Variants in ZNF423 observed in about 807,000 individuals in gnomAD.
The protein encoded by ZNF423 is zinc finger protein 423, also known as Ebf-associated zinc finger protein.
In ZNF423, 12 loss-of-function variants were observed where a neutral mutation model predicts 95.8. The ratio of observed to expected loss-of-function variants is 0.13; its 90% CI spans 0.08 to 0.20. ZNF423 has a LOEUF of 0.20. Ranked by LOEUF, ZNF423 falls within the 10% of genes least tolerant of loss-of-function variation. The probability of loss-of-function intolerance (pLI) is 1.00; values close to 1 mark genes in which losing one functional copy is unlikely to be tolerated. For synonymous variants in ZNF423, 749 were observed against 711.9 expected, an observed-to-expected ratio of 1.05 and a Z score of -0.83; for missense variants, 1,316 against 1,737.1, an observed-to-expected ratio of 0.76 and a Z score of 4.31.
At chr16:49,858,726 C>T (rs1004827337), upstream of ZNF423, among the ~76,000 whole-genome samples, 2 of 143,718 alleles carry the variant, frequency 1.4e-5, no homozygotes, top group African/African-American at 2.5e-5. The surrounding 1 kb of genome is among the most constrained non-coding windows in gnomAD (Gnocchi z 4.3). Flanking sequence ...AGCCCCCCCC[C>T]CCACGCCCCC....
intron 5 of ZNF423, among the ~76,000 whole-genome samples, chr16:49,562,518 T>C (rs1006130003): frequency 6.6e-6 from 1 of 152,206 alleles, no homozygotes; most frequent in South Asian, 2.1e-4. Context: ...AAAGTATTTG[T>C]ATCAGGTGAG....
At chr16:49,790,353 C>T (rs1597011421) in intron 1 of ZNF423, among the ~76,000 whole-genome samples, 1 of 152,272 alleles carries the variant, frequency 6.6e-6, no homozygotes, top group Non-Finnish European at 1.5e-5. Flanking sequence ...TTCTTGCTGG[C>T]ACCACGTGGG....
In ZNF423 at chr16:49,635,840, C is replaced by G. The variant is rs61739947; in HGVS notation, c.3336G>C (p.Val1112=). 1 of 1,603,426 alleles carries G rather than the reference C, an allele frequency of 6.2e-7. No individual in the cohort carries two copies. Among genetic ancestry groups the G allele is most frequent in the South Asian group, 1.1e-5 (1 of 89,782 alleles). Residue 1112 remains valine, a synonymous_variant, in exon 4 of 8, where the codon GTG becomes GTC. Coordinates refer to ENST00000563137, the MANE Select transcript of ZNF423 (RefSeq NM_001379286.1). The surrounding 1 kb of genome is among the most constrained non-coding windows in gnomAD (Gnocchi z 4.8). ...CGGGCTCGGGCGGGGCCAGGCCACC[C>G]ACCTGTCCGTTGGCGCTGCGGGCCA... ...GCMARSANGQ[V]GGLAPPEPAD...
At chr16:49,846,522 G>T (rs1567370103) in intron 1 of ZNF423, among the ~76,000 whole-genome samples, 1 of 152,142 alleles carries the variant, frequency 6.6e-6, no homozygotes, top group Non-Finnish European at 1.5e-5. Flanking sequence ...ATGTGTGTCT[G>T]GCCCCTGGCT....
chr16:49,566,649 T>C (rs932067849), intron 5 of ZNF423, among the ~76,000 whole-genome samples: 3 of 152,196 alleles, frequency 2.0e-5, no homozygotes, highest in Non-Finnish European at 2.9e-5. Flanking sequence ...TATAATTAAG[T>C]GCATGAATTA....
chr16:49,853,091 C>T (rs1326419126), intron 1 of ZNF423, among the ~76,000 whole-genome samples: 4 of 152,130 alleles, frequency 2.6e-5, no homozygotes, highest in African/African-American at 9.7e-5. Context: ...TGCTCGGGGC[C>T]GGGGAAGTCC....
chr16:49,622,140 G>A (rs1395075408), intron 5 of ZNF423, among the ~76,000 whole-genome samples: 1 of 152,202 alleles, frequency 6.6e-6, no homozygotes, highest in African/African-American at 2.4e-5. Context: ...CTACATACAG[G>A]AAACTGCTGC....
chr16:49,768,016 C>G (rs755528692), intron 2 of ZNF423, among the ~76,000 whole-genome samples: 38 of 152,210 alleles, frequency 2.5e-4, no homozygotes, highest in Non-Finnish European at 2.1e-4. Flanking sequence ...TAGAAAAGAC[C>G]ATTTCTTAAT....
intron 5 of ZNF423, among the ~76,000 whole-genome samples, chr16:49,537,898 G>A (rs536620709): frequency 6.6e-6 from 1 of 152,294 alleles, no homozygotes; most frequent in South Asian, 2.1e-4. Flanking sequence ...TTCTCAGATG[G>A]TGTGGGCCCA....
At chr16:49,668,191 C>T (rs959211844) in intron 3 of ZNF423, among the ~76,000 whole-genome samples, 1 of 152,144 alleles carries the variant, frequency 6.6e-6, no homozygotes, top group Non-Finnish European at 1.5e-5. Context: ...AGTCCTCAAG[C>T]CCCTACCCCC....
intron 3 of ZNF423, among the ~76,000 whole-genome samples, chr16:49,656,434 C>A (rs1320494502): frequency 6.6e-6 from 1 of 151,910 alleles, no homozygotes; most frequent in Admixed American, 6.6e-5. Context: ...TTGCTTGAAC[C>A]CAGGGGGCAG....
At chr16:49,630,391 G>A (rs1020897378) in intron 4 of ZNF423, among the ~76,000 whole-genome samples, 5 of 152,144 alleles carry the variant, frequency 3.3e-5, no homozygotes, top group Non-Finnish European at 4.4e-5. Flanking sequence ...AGAGCCTTTG[G>A]TGGTTGAATG....
chr16:49,809,722 A>T (rs894464399), intron 1 of ZNF423, among the ~76,000 whole-genome samples: 1 of 152,198 alleles, frequency 6.6e-6, no homozygotes, highest in African/African-American at 2.4e-5. Flanking sequence ...TGGTAAAAGC[A>T]TTCCTGCTCC....
intron 2 of ZNF423, among the ~76,000 whole-genome samples, chr16:49,754,174 A>C (rs1471906575): frequency 6.6e-6 from 1 of 152,196 alleles, no homozygotes; most frequent in Non-Finnish European, 1.5e-5. Flanking sequence ...TTGTTGAGCA[A>C]GGCAGTGGCA....
chr16:49,716,324 C>T (rs975623041), intron 3 of ZNF423, among the ~76,000 whole-genome samples: 4 of 152,112 alleles, frequency 2.6e-5, no homozygotes, highest in South Asian at 4.1e-4. Flanking sequence ...GCAGCACCAA[C>T]CTGCTCAGCC....
chr16:49,597,323 T>C (rs961857547), intron 5 of ZNF423, among the ~76,000 whole-genome samples: 2 of 152,188 alleles, frequency 1.3e-5, no homozygotes, highest in African/African-American at 4.8e-5. Context: ...ATGTGACTAC[T>C]GAGCAACTGA....
chr16:49,693,628 T>C (rs561971108), intron 3 of ZNF423, among the ~76,000 whole-genome samples: 1 of 152,200 alleles, frequency 6.6e-6, no homozygotes, highest in Admixed American at 6.5e-5. Context: ...GTGATTGGCT[T>C]AAGGATGAAT....
At chr16:49,639,385 G>C (rs1323124448) in intron 3 of ZNF423, among the ~76,000 whole-genome samples, 1 of 152,200 alleles carries the variant, frequency 6.6e-6, no homozygotes, top group Non-Finnish European at 1.5e-5. Context: ...GCCCTTATCA[G>C]ATTGGCCATA....
chr16:49,492,049 T>C lies in ZNF423; in HGVS notation c.3850-745A>G, dbSNP rs556547268. 5.9e-5 allele frequency among the ~76,000 whole-genome samples: 9 copies of C among 152,316 alleles called. No homozygotes were observed. In the South Asian group the frequency reaches 1.7e-3, roughly 28 times the overall value. On this transcript the variant is annotated intron_variant, in intron 7 of 7. Coordinates refer to ENST00000563137, the MANE Select transcript of ZNF423 (RefSeq NM_001379286.1). This position sits in a 1 kb window ranked among gnomAD's most constrained non-coding sequence, Gnocchi z 4.2. Reference sequence around the variant, plus strand: ...CCTGTGGCCAAATGTTTCCCTCTCATTACAGTCAATGGCATTTCCTCCCCC... The same window carrying C: ...CCTGTGGCCAAATGTTTCCCTCTCACTACAGTCAATGGCATTTCCTCCCCC...
Sources: allele counts gnomAD v4.1 joint callset (sites outside exome capture counted in the v4.1 genomes callset), GRCh38; gene constraint gnomAD v4.1.1; non-coding constraint Gnocchi (gnomAD v3.1); transcripts MANE v1.5; gene names NCBI Gene and HGNC (gene_info 2026-07-23, HGNC 2026-07-21).